The following SLC19A2 variants were observed in gnomAD, a reference collection of about 807,000 sequenced individuals.
SLC19A2 encodes the protein solute carrier family 19 member 2.
SLC19A2 carries 27 observed loss-of-function variants against 44.7 expected under a neutral mutation model. The ratio of observed to expected loss-of-function variants is 0.60; its 90% CI spans 0.45 to 0.83. SLC19A2 has a LOEUF of 0.83. SLC19A2 is among the 40% of genes least tolerant of loss of function. The pLI is 0.00. For missense variants in SLC19A2, 566 were observed against 613.7 expected (o/e 0.92, Z 0.82); for synonymous variants, 239 against 243.6 (o/e 0.98, Z 0.18).
Position 169,477,153 on chromosome 1 carries a change from A to C in SLC19A2, c.807+2T>G, listed in dbSNP as rs1234256852. On this transcript the variant is annotated splice_donor_variant, in intron 2 of 5. Coordinates refer to ENST00000236137, the MANE Select transcript of SLC19A2 (RefSeq NM_006996.3). LOFTEE classifies it high-confidence loss of function. Reference sequence around the variant, plus strand: ...TTACAAGATATTTAAGGCTGAGCTTACCGGTTCCTCCACGGGAGGCTCCTC... The same window carrying C: ...TTACAAGATATTTAAGGCTGAGCTTCCCGGTTCCTCCACGGGAGGCTCCTC... 1.9e-6 allele frequency: 3 copies of C among 1,613,486 alleles called. No individual in the cohort carries two copies. The highest frequency in any genetic ancestry group is 2.5e-6 in the Non-Finnish European group (3 of 1,179,866).
intron 3 of SLC19A2, 42 bp from the exon 4 acceptor site, chr1:169,468,878 A>C (rs771946203): frequency 2.6e-6 from 4 of 1,559,650 alleles, no homozygotes; most frequent in Non-Finnish European, 3.5e-6. Flanking sequence ...TTGCTACACA[A>C]ATGCTGTTGC....
intron 1 of SLC19A2, among the ~76,000 whole-genome samples, chr1:169,485,033 T>C (rs1050582254): frequency 3.9e-5 from 6 of 152,238 alleles, no homozygotes; most frequent in Admixed American, 2.6e-4. Context: ...TAAGATGTTC[T>C]GTACTTCTGT....
intron 1 of SLC19A2, among the ~76,000 whole-genome samples, chr1:169,483,654 A>G (rs1481361816): frequency 6.6e-6 from 1 of 152,246 alleles, no homozygotes; most frequent in Non-Finnish European, 1.5e-5. Context: ...GCTTTCTGAT[A>G]GGACAGAGCA....
intron 1 of SLC19A2, among the ~76,000 whole-genome samples, chr1:169,478,716 C>T (rs1055695425): frequency 2.0e-5 from 3 of 151,656 alleles, no homozygotes; most frequent in African/African-American, 7.3e-5. Context: ...TCAGTTTCCC[C>T]AATTAATTCA....
intron 2 of SLC19A2, among the ~76,000 whole-genome samples, chr1:169,476,141 AT>A (rs932624150): frequency 1.4e-5 from 2 of 147,774 alleles, no homozygotes; most frequent in South Asian, 2.2e-4. Context: ...ACACTTGAAT[AT>A]TTAAAAAAAA....
At chr1:169,481,997 G>A (rs1191695015) in intron 1 of SLC19A2, among the ~76,000 whole-genome samples, 2 of 151,898 alleles carry the variant, frequency 1.3e-5, no homozygotes, top group Non-Finnish European at 1.5e-5. Flanking sequence ...TCAGGCGTTC[G>A]AGACCAGCCT....
In SLC19A2 at chr1:169,478,337, CT is replaced by C. The variant is rs61006818; in HGVS notation, c.205-581del. Among the ~76,000 whole-genome samples the C allele has an allele frequency of 8.7e-3, 1,206 of 139,298 alleles. 20 individuals are homozygous for C. The East Asian group carries it at 0.092, about 11-fold the overall frequency. The allele number at this position is 139,298 out of a possible 152,430, so 91.4% of individuals were successfully genotyped here. ...GTACTTGTATTACAACATTCAAACC[CT>C]TTTTTTTTTTTTGGTTTTGTTTTTT... On this transcript the variant is annotated intron_variant, in intron 1 of 5. Coordinates refer to ENST00000236137, the MANE Select transcript of SLC19A2 (RefSeq NM_006996.3).
At position 169,463,955 on chromosome 1, in the gene SLC19A2, AAAT is replaced by A. The variant is rs1299795718; in HGVS notation, c.*1891_*1893del. On this transcript the variant is annotated 3_prime_UTR_variant, in exon 6 of 6. Transcript: ENST00000236137. ...ATACTGTAAAATATTTATTTAATAA[AAAT>A]AATTTTATAATCTATACAGAATTGA... 1.3e-5 allele frequency: 2 copies of A among 152,168 alleles called. No individual in the cohort carries two copies. The highest frequency in any genetic ancestry group is 1.9e-4 in the East Asian group (1 of 5,208). 9.4% of individuals were successfully genotyped at this position (152,168 alleles called of 1,614,324 possible).
intron 1 of SLC19A2, among the ~76,000 whole-genome samples, chr1:169,485,337 C>T (rs958912186): frequency 6.6e-6 from 1 of 152,240 alleles, no homozygotes; most frequent in Middle Eastern, 3.2e-3. Flanking sequence ...AGGCACGGGG[C>T]CTCTGGACGC....
rs746375841 is a variant in SLC19A2, at chr1:169,468,185, C to A, written c.1291G>T (p.Ala431Ser). ...ALVFGVNTFI[A>S]LALQTLLTLI... ...GTGAGCAGCGTCTGCAGTGCCAGGGCAATGAAGGTATTTACACCAAATACT... is the reference window on the plus strand; with the variant it reads ...GTGAGCAGCGTCTGCAGTGCCAGGGAAATGAAGGTATTTACACCAAATACT... Residue 431 changes from alanine to serine, a missense_variant, in exon 5 of 6, where the codon GCC becomes TCC. Coordinates refer to ENST00000236137, the MANE Select transcript of SLC19A2 (RefSeq NM_006996.3). 31 of 1,613,568 alleles carry A rather than the reference C, an allele frequency of 1.9e-5. No homozygotes were observed. The Admixed American group carries it at 5.2e-4, about 27-fold the overall frequency.
At chr1:169,485,528 C>G in intron 1 of SLC19A2, 35 bp downstream of exon 1, 1 of 1,557,844 alleles carries the variant, frequency 6.4e-7, no homozygotes, top group East Asian at 2.4e-5. Context: ...GGCCGGTCGC[C>G]CGCCCTTCCC....
At chr1:169,475,971 C>T (rs1379356792) in intron 2 of SLC19A2, among the ~76,000 whole-genome samples, 1 of 152,142 alleles carries the variant, frequency 6.6e-6, no homozygotes, top group East Asian at 1.9e-4. Flanking sequence ...TATTATCAGC[C>T]AGCCTACAAA....
chr1:169,470,020 G>A lies in SLC19A2; in HGVS notation c.974C>T (p.Pro325Leu), dbSNP rs867158001. The A allele has an allele frequency of 3.1e-6, 5 of 1,613,832 alleles. No individual in the cohort carries two copies. The highest frequency in any genetic ancestry group is 1.7e-5 in the Admixed American group (1 of 59,976). The change falls in exon 3 of 6, where the codon CCT (proline) becomes CTT (leucine). Residue 325 changes from proline to leucine, a missense_variant. Pro to Leu is a moderately conservative substitution (Grantham distance 98). Transcript: ENST00000236137. ...YTQGLWEKVM[P>L]SRYAAIYNGG... ...ATTATAGATAGCAGCATAGCGAGAAGGCATCACTTTCTCCCACAGGCCCTG... is the reference window on the plus strand; with the variant it reads ...ATTATAGATAGCAGCATAGCGAGAAAGCATCACTTTCTCCCACAGGCCCTG...
intron 1 of SLC19A2, among the ~76,000 whole-genome samples, chr1:169,482,590 G>C (rs960246052): frequency 7.2e-5 from 11 of 152,096 alleles, no homozygotes; most frequent in African/African-American, 2.4e-4. Flanking sequence ...AACCTAGTGA[G>C]GAATATATAA....
rs554698434 is a variant in SLC19A2, at chr1:169,485,482, T to C, written c.204+81A>G. ...CTCTGCCGAGAATGGCTCGAGCGCTTTTCTCGGTCCTCTCTTCCTCCGCTG... is the reference window on the plus strand; with the variant it reads ...CTCTGCCGAGAATGGCTCGAGCGCTCTTCTCGGTCCTCTCTTCCTCCGCTG... On this transcript the variant is annotated intron_variant, in intron 1 of 5. Transcript: ENST00000236137. 1.8e-4 allele frequency: 262 copies of C among 1,474,208 alleles called. No homozygotes were observed. The African/African-American group carries it at 3.4e-3, about 19-fold the overall frequency. 91.3% of individuals were successfully genotyped at this position (1,474,208 alleles called of 1,614,324 possible). A position where few individuals can be genotyped will look rare whatever the true frequency, so the allele number is the denominator to read the frequency against.
intron 1 of SLC19A2, among the ~76,000 whole-genome samples, chr1:169,479,618 G>C (rs970754881): frequency 6.6e-6 from 1 of 152,192 alleles, no homozygotes; most frequent in Admixed American, 6.5e-5. Context: ...AAGCTGACAA[G>C]GACATCTGGG....
intron 1 of SLC19A2, among the ~76,000 whole-genome samples, chr1:169,482,455 C>A (rs1271682925): frequency 6.6e-6 from 1 of 151,892 alleles, no homozygotes; most frequent in Non-Finnish European, 1.5e-5. Context: ...GCATGAGAAT[C>A]GCTTAAACCT....
At chr1:169,482,843 T>C (rs931343485) in intron 1 of SLC19A2, among the ~76,000 whole-genome samples, 3 of 152,072 alleles carry the variant, frequency 2.0e-5, no homozygotes, top group African/African-American at 7.2e-5. Context: ...GGGAAGAAGG[T>C]TTGTAGTAGG....
intron 4 of SLC19A2, 43 bp from the exon 5 acceptor site, chr1:169,468,295 G>C (rs1165263472): frequency 6.7e-7 from 1 of 1,488,752 alleles, no homozygotes; most frequent in East Asian, 2.4e-5. Flanking sequence ...AATTACTTCT[G>C]GAGTACTTAT....
Sources: gnomAD v4.1 joint callset for allele counts (sites outside exome capture counted in the v4.1 genomes callset) on GRCh38, gnomAD v4.1.1 for gene constraint, MANE v1.5 for transcripts, NCBI Gene and HGNC (gene_info 2026-07-23, HGNC 2026-07-21) for gene names.